The following GNA14 variants were observed in gnomAD, a reference collection of about 807,000 sequenced individuals.
The protein encoded by GNA14 is guanine nucleotide-binding protein subunit alpha-14.
A neutral mutation model predicts 42.0 loss-of-function variants in GNA14; 50 were observed. That is an observed-to-expected ratio of 1.19 (90% CI 0.95 to 1.51). The LOEUF is 1.51. Among genes scored for constraint, GNA14 ranks in the 40% most tolerant of loss-of-function variants. GNA14 has a pLI of 0.00. For synonymous variants in GNA14, 173 were observed against 163.1 expected, an observed-to-expected ratio of 1.06 and a Z score of -0.46; for missense variants, 473 against 446.2, an observed-to-expected ratio of 1.06 and a Z score of -0.54.
At chr9:77,594,367 C>T (rs934201826) in intron 1 of GNA14, among the ~76,000 whole-genome samples, 1 of 152,244 alleles carries the variant, frequency 6.6e-6, no homozygotes, top group South Asian at 2.1e-4. Context: ...ACTCTCCAGC[C>T]ACTCCACATC....
intron 2 of GNA14, among the ~76,000 whole-genome samples, chr9:77,450,174 T>G (rs1414526700): frequency 1.3e-5 from 2 of 152,210 alleles, no homozygotes; most frequent in African/African-American, 4.8e-5. Context: ...GTCTCCACTC[T>G]GAATTCTTCA....
At position 77,643,554 on chromosome 9, in the gene GNA14, T is replaced by C. The variant is rs138733762; in HGVS notation, c.124+4116A>G. ...GCACCCAATCGGTGTTGTCACTTTC[T>C]ACCTTAAAACTCACACTATTTGCAC... On this transcript the variant is annotated intron_variant, in intron 1 of 6. Coordinates refer to ENST00000341700, the MANE Select transcript of GNA14 (RefSeq NM_004297.4). 1.9e-4 allele frequency among the ~76,000 whole-genome samples: 29 copies of C among 152,306 alleles called. No individual in the cohort carries two copies. In the East Asian group the frequency reaches 5.0e-3, roughly 26 times the overall value.
At chr9:77,466,577 G>A (rs1230583513) in intron 2 of GNA14, among the ~76,000 whole-genome samples, 1 of 151,996 alleles carries the variant, frequency 6.6e-6, no homozygotes, top group Non-Finnish European at 1.5e-5. Flanking sequence ...TGAAGTTTTT[G>A]TTTGCAAAGT....
At chr9:77,476,475 C>A (rs1481858332) in intron 2 of GNA14, among the ~76,000 whole-genome samples, 1 of 152,174 alleles carries the variant, frequency 6.6e-6, no homozygotes, top group Non-Finnish European at 1.5e-5. Context: ...AATCGTAAAG[C>A]TCCCACACAG....
chr9:77,530,175 G>A (rs1199062558), intron 1 of GNA14, among the ~76,000 whole-genome samples: 2 of 152,268 alleles, frequency 1.3e-5, no homozygotes, highest in Admixed American at 1.3e-4. Flanking sequence ...TGTTGGAGGT[G>A]GGGCCTGGTG....
chr9:77,434,312 T>C, intron 3 of GNA14, 56 bp downstream of exon 3: 1 of 1,519,756 alleles, frequency 6.6e-7, no homozygotes, highest in Non-Finnish European at 9.0e-7. Flanking sequence ...TTCTTTGAAG[T>C]GTGGCCGAGC....
intron 2 of GNA14, among the ~76,000 whole-genome samples, chr9:77,490,665 G>T (rs190977155): frequency 2.0e-5 from 3 of 152,200 alleles, no homozygotes; most frequent in South Asian, 4.1e-4. Context: ...AGGGCCGGCC[G>T]GCCGCTCCGA....
At chr9:77,618,609 TATA>T (rs1823866919) in intron 1 of GNA14, among the ~76,000 whole-genome samples, 1 of 14,680 alleles carries the variant, frequency 6.8e-5, no homozygotes, top group African/African-American at 2.5e-4. Flanking sequence ...TATATATATA[TATA>T]TATATATATT....
At chr9:77,633,437 A>G (rs1429897675) in intron 1 of GNA14, among the ~76,000 whole-genome samples, 1 of 152,146 alleles carries the variant, frequency 6.6e-6, no homozygotes. Flanking sequence ...GAATAATGGC[A>G]GAGGGTCATT....
At chr9:77,446,575 T>C (rs1835820900) in intron 2 of GNA14, among the ~76,000 whole-genome samples, 1 of 152,054 alleles carries the variant, frequency 6.6e-6, no homozygotes, top group African/African-American at 2.4e-5. Context: ...AAACCTCCCA[T>C]GCAATCCCCC....
At chr9:77,540,761 T>G (rs1837650182) in intron 1 of GNA14, among the ~76,000 whole-genome samples, 1 of 152,142 alleles carries the variant, frequency 6.6e-6, no homozygotes, top group Non-Finnish European at 1.5e-5. Context: ...TTACCTGACA[T>G]AAGTATAGTT....
intron 1 of GNA14, among the ~76,000 whole-genome samples, chr9:77,553,831 T>C (rs1484888064): frequency 6.6e-6 from 1 of 152,032 alleles, no homozygotes; most frequent in Non-Finnish European, 1.5e-5. Context: ...ACCTATGTAA[T>C]GGGAAAGTAA....
At chr9:77,424,512 C>T (rs12350427) in intron 6 of GNA14, among the ~76,000 whole-genome samples, 15,302 of 152,196 alleles carry the variant, frequency 0.1, 793 homozygotes, top group Middle Eastern at 0.13. Flanking sequence ...CGTGAGCCAC[C>T]GTGCCTGGCC....
At chr9:77,554,193 G>A (rs1027541596) in intron 1 of GNA14, among the ~76,000 whole-genome samples, 2 of 152,140 alleles carry the variant, frequency 1.3e-5, no homozygotes, top group African/African-American at 4.8e-5. Context: ...CCCACAGCAA[G>A]CCTTTAAAAG....
At chr9:77,500,519 C>CTCT (rs1836948427) in intron 2 of GNA14, among the ~76,000 whole-genome samples, 1 of 152,158 alleles carries the variant, frequency 6.6e-6, no homozygotes, top group East Asian at 1.9e-4. Flanking sequence ...AGGACATTGA[C>CTCT]ATGAGTACAG....
intron 2 of GNA14, among the ~76,000 whole-genome samples, chr9:77,450,066 C>G (rs1035740323): frequency 6.6e-6 from 1 of 152,208 alleles, no homozygotes; most frequent in African/African-American, 2.4e-5. Context: ...ATTCCGTGGG[C>G]TTATGCATCC....
intron 2 of GNA14, among the ~76,000 whole-genome samples, chr9:77,490,590 G>A (rs1836753438): frequency 6.6e-6 from 1 of 152,244 alleles, no homozygotes; most frequent in African/African-American, 2.4e-5. Flanking sequence ...GGCACTGCTG[G>A]GGGACCCAGT....
At chr9:77,521,155 T>C (rs1837349553) in intron 2 of GNA14, among the ~76,000 whole-genome samples, 1 of 152,136 alleles carries the variant, frequency 6.6e-6, no homozygotes, top group East Asian at 1.9e-4. Flanking sequence ...AATTTGTTGT[T>C]TGTTGTTGTT....
chr9:77,456,694 A>G (rs961814001), intron 2 of GNA14, among the ~76,000 whole-genome samples: 11 of 152,334 alleles, frequency 7.2e-5, no homozygotes, highest in South Asian at 2.1e-4. Context: ...ACTAGAGTTG[A>G]TAAGACACAT....
Sources: gnomAD v4.1 joint callset for allele counts (sites outside exome capture counted in the v4.1 genomes callset) on GRCh38, gnomAD v4.1.1 for gene constraint, MANE v1.5 for transcripts, NCBI Gene and HGNC (gene_info 2026-07-23, HGNC 2026-07-21) for gene names.